The following KIF26B variants were observed in gnomAD, a reference collection of about 807,000 sequenced individuals.
KIF26B encodes the protein kinesin family member 26B, also known as kinesin-like protein KIF26B.
In KIF26B, 63 loss-of-function variants were observed where a neutral mutation model predicts 151.2. The ratio of observed to expected loss-of-function variants is 0.42; its 90% CI spans 0.34 to 0.51. The LOEUF (loss-of-function observed/expected upper bound fraction) is 0.51. KIF26B is among the 20% of genes least tolerant of loss of function. The pLI is 0.07. For missense variants in KIF26B, 2,813 were observed against 2,913.6 expected (o/e 0.97, Z 0.79); for synonymous variants, 1,357 against 1,262.1 (o/e 1.08, Z -1.59).
chr1:245,155,016 C>A lies in KIF26B; in HGVS notation c.-409C>A. The A allele has an allele frequency of 2.3e-6, 1 of 435,478 alleles. No homozygotes were observed. The highest frequency in any genetic ancestry group is 4.0e-6 in the Non-Finnish European group (1 of 251,322). The allele number at this position is 435,478 out of a possible 1,614,324, so 27.0% of individuals were successfully genotyped here. On this transcript the variant is annotated 5_prime_UTR_variant, in exon 1 of 15. Transcript: ENST00000407071. ...CAAGCTCGGTGAAGGAGACAAGTTC[C>A]CACAGCTGACTCGGCTCGGCTCTCC...
intron 4 of KIF26B, among the ~76,000 whole-genome samples, chr1:245,485,545 G>A (rs999519529): frequency 2.0e-5 from 3 of 152,064 alleles, no homozygotes; most frequent in African/African-American, 7.2e-5. Context: ...CACCACTCCT[G>A]GCTAACTTTT....
At chr1:245,526,699 G>A (rs1661241998) in intron 4 of KIF26B, among the ~76,000 whole-genome samples, 1 of 152,202 alleles carries the variant, frequency 6.6e-6, no homozygotes, top group African/African-American at 2.4e-5. Context: ...ACCCAGCAAA[G>A]AGTTACGGAT....
intron 5 of KIF26B, among the ~76,000 whole-genome samples, chr1:245,585,486 A>T (rs186224063): frequency 2.6e-5 from 4 of 151,830 alleles, no homozygotes; most frequent in Admixed American, 2.6e-4. Flanking sequence ...TTAATACGTG[A>T]TCCTGAGGAT....
intron 2 of KIF26B, among the ~76,000 whole-genome samples, chr1:245,181,126 T>A (rs1422687089): frequency 6.6e-6 from 1 of 152,176 alleles, no homozygotes; most frequent in Non-Finnish European, 1.5e-5. Flanking sequence ...CATTATCTCT[T>A]TCACATACAA....
At chr1:245,555,727 A>G (rs1376665011) in intron 5 of KIF26B, among the ~76,000 whole-genome samples, 1 of 152,132 alleles carries the variant, frequency 6.6e-6, no homozygotes, top group East Asian at 1.9e-4. Flanking sequence ...TACACAGAGC[A>G]TGTCAGGTCT....
chr1:245,672,568 A>G (rs963742925), intron 10 of KIF26B, among the ~76,000 whole-genome samples: 1 of 152,192 alleles, frequency 6.6e-6, no homozygotes, highest in Non-Finnish European at 1.5e-5. Flanking sequence ...TGATGGAGCA[A>G]GGTTACACCT....
chr1:245,430,057 G>C (rs942048419), intron 4 of KIF26B, among the ~76,000 whole-genome samples: 5 of 152,252 alleles, frequency 3.3e-5, no homozygotes, highest in African/African-American at 4.8e-5. Context: ...AGCTGGAATT[G>C]TCGTGATACT....
At chr1:245,502,529 C>CAA (rs10596275) in intron 4 of KIF26B, among the ~76,000 whole-genome samples, 28 of 96,590 alleles carry the variant, frequency 2.9e-4, no homozygotes, top group African/African-American at 3.9e-4. Context: ...GATTCTGTCT[C>CAA]AAAAAAAAAA....
intron 4 of KIF26B, among the ~76,000 whole-genome samples, chr1:245,434,541 T>C (rs1321646077): frequency 6.6e-6 from 1 of 152,162 alleles, no homozygotes; most frequent in African/African-American, 2.4e-5. Context: ...TGCCACCTCA[T>C]CATTTGCTTG....
intron 4 of KIF26B, among the ~76,000 whole-genome samples, chr1:245,527,685 A>T (rs371559048): frequency 6.6e-6 from 1 of 150,586 alleles, no homozygotes; most frequent in Admixed American, 6.6e-5. Context: ...AGGCGCCTGC[A>T]ACCACGCCCG....
chr1:245,640,945 A>G (rs776727063), intron 9 of KIF26B, among the ~76,000 whole-genome samples: 17 of 152,140 alleles, frequency 1.1e-4, no homozygotes, highest in Non-Finnish European at 2.1e-4. Flanking sequence ...AATGGTTTAG[A>G]TGCCATGATT....
intron 2 of KIF26B, among the ~76,000 whole-genome samples, chr1:245,162,990 T>C (rs1168701195): frequency 6.6e-6 from 1 of 152,252 alleles, no homozygotes; most frequent in Non-Finnish European, 1.5e-5. Context: ...AGATCAAATT[T>C]CATCTTTCTC....
intron 9 of KIF26B, among the ~76,000 whole-genome samples, chr1:245,631,006 T>C (rs1225415190): frequency 6.6e-6 from 1 of 152,220 alleles, no homozygotes; most frequent in East Asian, 1.9e-4. Flanking sequence ...TTACCAAATT[T>C]ATCAGTTCTC....
chr1:245,397,393 A>G (rs1320692462), intron 3 of KIF26B, among the ~76,000 whole-genome samples: 1 of 151,714 alleles, frequency 6.6e-6, no homozygotes, highest in Non-Finnish European at 1.5e-5. Context: ...TTTTTGTATT[A>G]TTAGTAGAAA....
chr1:245,464,166 C>T (rs1659712314), intron 4 of KIF26B, among the ~76,000 whole-genome samples: 1 of 152,164 alleles, frequency 6.6e-6, no homozygotes, highest in South Asian at 2.1e-4. Flanking sequence ...AATGCATGTT[C>T]AAAAAATATG....
chr1:245,601,552 C>T lies in KIF26B; in HGVS notation c.1351-1025C>T, dbSNP rs1018762358. Among the ~76,000 whole-genome samples the T allele has an allele frequency of 3.3e-5, 5 of 152,138 alleles. No homozygotes were observed. The highest frequency in any genetic ancestry group is 2.1e-4 in the South Asian group (1 of 4,828). ...AGAAATAATCCTTGTGCATACCTTC[C>T]GAAGTTGCCACATATTACTAAAATT... On this transcript the variant is annotated intron_variant, in intron 5 of 14. Coordinates refer to ENST00000407071, the MANE Select transcript of KIF26B (RefSeq NM_018012.4). This position sits in a 1 kb window ranked among gnomAD's most constrained non-coding sequence, Gnocchi z 4.4.
chr1:245,623,514 A>C (rs2043687759), intron 9 of KIF26B, among the ~76,000 whole-genome samples: 2 of 152,128 alleles, frequency 1.3e-5, no homozygotes, highest in South Asian at 4.1e-4. Flanking sequence ...TGTTGTTTCC[A>C]GTTTGGGGAT....
intron 4 of KIF26B, among the ~76,000 whole-genome samples, chr1:245,448,725 A>G (rs1659304625): frequency 6.6e-6 from 1 of 152,216 alleles, no homozygotes; most frequent in Non-Finnish European, 1.5e-5. Flanking sequence ...CTGGAGTTTG[A>G]TAGTCATGTA....
chr1:245,263,071 G>A (rs1558366654), intron 2 of KIF26B, among the ~76,000 whole-genome samples: 1 of 152,222 alleles, frequency 6.6e-6, no homozygotes, highest in Non-Finnish European at 1.5e-5. Context: ...CAGTCAAGGA[G>A]TGTCATGACA....
Sources: gnomAD v4.1 joint callset for allele counts (sites outside exome capture counted in the v4.1 genomes callset) on GRCh38, gnomAD v4.1.1 for gene constraint, Gnocchi (gnomAD v3.1) non-coding constraint, MANE v1.5 for transcripts, NCBI Gene and HGNC (gene_info 2026-07-23, HGNC 2026-07-21) for gene names.